Variants in DYSF observed in about 807,000 individuals in gnomAD.
The protein encoded by DYSF is dystrophy-associated fer-1-like 1.
DYSF carries 212 observed loss-of-function variants against 274.9 expected under a neutral mutation model. The observed-to-expected ratio is 0.77, with a 90% confidence interval of 0.69 to 0.86. DYSF has a LOEUF of 0.86. Ranked by LOEUF, DYSF falls within the 40% of genes least tolerant of loss-of-function variation. The probability of loss-of-function intolerance (pLI) is 0.00; values close to 1 mark genes in which losing one functional copy is unlikely to be tolerated. For missense variants in DYSF, 2,666 were observed against 2,783.2 expected (o/e 0.96, Z 0.95); for synonymous variants, 1,091 against 1,078.7 (o/e 1.01, Z -0.22).
At position 71,484,049 on chromosome 2, in the gene DYSF, T is replaced by C. The variant is rs1278789517; in HGVS notation, c.239+2079T>C. Among the ~76,000 whole-genome samples, 13 of 58,596 alleles carry C rather than the reference T, an allele frequency of 2.2e-4. No individual in the cohort carries two copies. The East Asian group carries it at 0.048, about 215-fold the overall frequency. 38.4% of individuals were successfully genotyped at this position (58,596 alleles called of 152,430 possible). A position where few individuals can be genotyped will look rare whatever the true frequency, so the allele number is the denominator to read the frequency against. ...AGGCTCTGTGGGGAGATTTCCCTTTTTTTTTTTTTTTTTTTTTTTTTGAGA... is the reference window on the plus strand; with the variant it reads ...AGGCTCTGTGGGGAGATTTCCCTTTCTTTTTTTTTTTTTTTTTTTTTGAGA... On this transcript the variant is annotated intron_variant, in intron 3 of 55. Coordinates refer to ENST00000410020, the MANE Select transcript of DYSF (RefSeq NM_001130987.2).
chr2:71,548,552 G>A (rs1356793205), intron 17 of DYSF, among the ~76,000 whole-genome samples: 7 of 140,772 alleles, frequency 5.0e-5, no homozygotes, highest in South Asian at 2.2e-4. Context: ...AGGGGTGTCC[G>A]TTTCCTTGGC....
intron 41 of DYSF, among the ~76,000 whole-genome samples, chr2:71,627,819 C>G (rs992284930): frequency 2.6e-5 from 4 of 152,050 alleles, no homozygotes; most frequent in Non-Finnish European, 5.9e-5. Context: ...ATGTAGCAAG[C>G]CTCTGCCCAT....
At position 71,549,343 on chromosome 2, in the gene DYSF, G is replaced by A. The variant is rs754787004; in HGVS notation, c.1577-1698G>A. The A allele has an allele frequency of 1.1e-5, 18 of 1,611,988 alleles. No homozygotes were observed. The highest frequency in any genetic ancestry group is 1.4e-5 in the Non-Finnish European group (17 of 1,179,036). On this transcript the variant is annotated intron_variant, in intron 17 of 55. Transcript: ENST00000410020. ...CCTAACCCCTTTTCCATTTCTTTAC[G>A]CTTCAGAGGAGCCTGCAGGTGCTGT...
intron 17 of DYSF, among the ~76,000 whole-genome samples, chr2:71,550,460 A>C (rs2090855250): frequency 6.6e-6 from 1 of 152,318 alleles, no homozygotes; most frequent in Admixed American, 6.5e-5. Context: ...GTTAGGGCAG[A>C]GGGTATGTGC....
chr2:71,566,954 G>A (rs2092145940), intron 24 of DYSF, among the ~76,000 whole-genome samples: 1 of 152,168 alleles, frequency 6.6e-6, no homozygotes, highest in East Asian at 1.9e-4. Context: ...ACCAGCGTGG[G>A]ACCCCTTACC....
Position 71,590,023 on chromosome 2 carries a change from T to G in DYSF, c.3497-188T>G, listed in dbSNP as rs190904042. Among the ~76,000 whole-genome samples, 14 of 152,212 alleles carry G rather than the reference T, an allele frequency of 9.2e-5. No individual in the cohort carries two copies. The East Asian group carries it at 1.2e-3, about 13-fold the overall frequency. ...CTAGGCTGGCCCAAGGACATGTTAA[T>G]TAGTCAGGTGTCCGCTTTCAAGCTG... On this transcript the variant is annotated intron_variant, in intron 31 of 55. Transcript: ENST00000410020.
At chr2:71,454,977 C>A (rs1233725465) in intron 1 of DYSF, among the ~76,000 whole-genome samples, 1 of 150,878 alleles carries the variant, frequency 6.6e-6, no homozygotes, top group Non-Finnish European at 1.5e-5. Flanking sequence ...TCCCACCCAG[C>A]CTGTGGGTTT....
At chr2:71,674,093 C>A in intron 51 of DYSF, 104 bp from the exon 52 acceptor site, 2 of 996,256 alleles carry the variant, frequency 2.0e-6, no homozygotes. Context: ...TTGGGGACAT[C>A]CTACTCCTCT....
intron 11 of DYSF, among the ~76,000 whole-genome samples, 170 bp downstream of exon 11, chr2:71,520,378 G>A (rs1178325995): frequency 6.6e-6 from 1 of 152,188 alleles, no homozygotes; most frequent in Non-Finnish European, 1.5e-5. Context: ...ACAGGCCCTC[G>A]GGAGGGTGTA....
intron 3 of DYSF, among the ~76,000 whole-genome samples, chr2:71,499,851 C>T (rs2084797962): frequency 2.0e-5 from 3 of 152,190 alleles, no homozygotes; most frequent in African/African-American, 7.2e-5. Context: ...ATGTGGGCTG[C>T]AGGGGGTGTG....
In DYSF at chr2:71,603,726, G is replaced by A. The variant is rs370006322; in HGVS notation, c.3957+921G>A. Among the ~76,000 whole-genome samples the A allele has an allele frequency of 7.2e-5, 11 of 152,298 alleles. No homozygotes were observed. In the South Asian group the frequency reaches 8.3e-4, roughly 11 times the overall value. Reference sequence around the variant, plus strand: ...CTGGCTGCAGTTGCAAAAGACTGCCGATTTGGAAAGGGAGGTGGAGTCCTG... The same window carrying A: ...CTGGCTGCAGTTGCAAAAGACTGCCAATTTGGAAAGGGAGGTGGAGTCCTG... On this transcript the variant is annotated intron_variant, in intron 36 of 55. Transcript: ENST00000410020.
At chr2:71,508,309 C>G (rs1481841409) in intron 4 of DYSF, among the ~76,000 whole-genome samples, 1 of 152,136 alleles carries the variant, frequency 6.6e-6, no homozygotes. Context: ...CACAACACAG[C>G]CTTCCAAACG....
intron 36 of DYSF, among the ~76,000 whole-genome samples, chr2:71,604,476 G>A (rs953344172): frequency 6.6e-6 from 1 of 152,200 alleles, no homozygotes; most frequent in African/African-American, 2.4e-5. Flanking sequence ...TTTCTGGAGG[G>A]CTGGGAGCCT....
chr2:71,533,857 G>T (rs1293097725), intron 14 of DYSF, among the ~76,000 whole-genome samples: 2 of 152,200 alleles, frequency 1.3e-5, no homozygotes, highest in African/African-American at 2.4e-5. Flanking sequence ...CTTTCTGAGT[G>T]GGATGAAGCA....
At chr2:71,511,457 C>T (rs965603735) in intron 4 of DYSF, among the ~76,000 whole-genome samples, 4 of 152,200 alleles carry the variant, frequency 2.6e-5, no homozygotes, top group Non-Finnish European at 5.9e-5. Flanking sequence ...CAGAAGTCCA[C>T]TACGTGCTAC....
chr2:71,475,834 C>T (rs1322647859), intron 1 of DYSF, among the ~76,000 whole-genome samples: 1 of 152,070 alleles, frequency 6.6e-6, no homozygotes, highest in East Asian at 1.9e-4. Context: ...AGTGGTACGA[C>T]CACAGCTCAC....
At chr2:71,589,866 C>G (rs901259929) in intron 31 of DYSF, among the ~76,000 whole-genome samples, 180 bp downstream of exon 31, 11 of 152,016 alleles carry the variant, frequency 7.2e-5, no homozygotes, top group Non-Finnish European at 4.4e-5. Context: ...TGCACGTGTC[C>G]GTGCCTATCT....
At position 71,679,214 on chromosome 2, in the gene DYSF, G is replaced by A. The variant is rs904799552; in HGVS notation, c.6042G>A (p.Glu2014=). The change falls in exon 53 of 56, where the codon GAG becomes GAA. Residue 2014 remains glutamate (E), a synonymous_variant. Transcript: ENST00000410020. The part of the protein sequence containing the change: ...VKGWWPCVAE[E]GEKKILAGKL... ...GCTGGTGGCCCTGTGTAGCAGAAGA[G>A]GGTGAGAAGAAAATACTGGCGGTAA... is the stretch of plus-strand genomic sequence containing the variant. 3 of 1,614,026 alleles carry A rather than the reference G, an allele frequency of 1.9e-6. No individual in the cohort carries two copies. The East Asian group carries it at 6.7e-5, about 36-fold the overall frequency.
chr2:71,594,464 C>T (rs576521264), intron 32 of DYSF, among the ~76,000 whole-genome samples: 1 of 152,128 alleles, frequency 6.6e-6, no homozygotes, highest in Non-Finnish European at 1.5e-5. Flanking sequence ...AGGGAGGGAG[C>T]CTGTTTAATC....
Sources: gnomAD v4.1 joint callset for allele counts (sites outside exome capture counted in the v4.1 genomes callset) on GRCh38, gnomAD v4.1.1 for gene constraint, MANE v1.5 for transcripts, NCBI Gene and HGNC (gene_info 2026-07-23, HGNC 2026-07-21) for gene names.